Variants in UNC13A observed in about 807,000 individuals in gnomAD.
The protein encoded by UNC13A is unc-13 homolog A.
In UNC13A, 61 loss-of-function variants were observed where a neutral mutation model predicts 219.7. The ratio of observed to expected loss-of-function variants is 0.28; its 90% confidence interval spans 0.23 to 0.34. The LOEUF (loss-of-function observed/expected upper bound fraction) is 0.34. UNC13A is among the 10% of genes least tolerant of loss of function. UNC13A has a pLI of 1.00. For synonymous variants in UNC13A, 920 were observed against 884.6 expected, an observed-to-expected ratio of 1.04 and a Z score of -0.71; for missense variants, 1,476 against 2,270.3, an observed-to-expected ratio of 0.65 and a Z score of 7.11.
At chr19:17,630,108 C>G in intron 30 of UNC13A, 37 bp downstream of exon 30, 2 of 1,549,180 alleles carry the variant, frequency 1.3e-6, no homozygotes, top group Non-Finnish European at 1.7e-6. Flanking sequence ...AACCCTGACC[C>G]TGTCCCCTAG....
chr19:17,606,523 T>G (rs2076532753), intron 43 of UNC13A, among the ~76,000 whole-genome samples, 169 bp from the exon 44 acceptor site: 1 of 151,448 alleles, frequency 6.6e-6, no homozygotes, highest in Admixed American at 6.6e-5. Flanking sequence ...CCTACAACCC[T>G]GTGCTTGGCC....
intron 41 of UNC13A, among the ~76,000 whole-genome samples, chr19:17,614,792 C>T (rs1286234466): frequency 1.3e-5 from 2 of 152,116 alleles, no homozygotes; most frequent in African/African-American, 4.8e-5. Context: ...CCATTCCACC[C>T]CCACCCCCCG....
At chr19:17,682,623 A>G (rs2080039319) in intron 1 of UNC13A, among the ~76,000 whole-genome samples, 2 of 152,148 alleles carry the variant, frequency 1.3e-5, no homozygotes. Flanking sequence ...TAAGACCTAG[A>G]TGCAGCTCCT....
chr19:17,682,361 G>A (rs2080035570), intron 1 of UNC13A, among the ~76,000 whole-genome samples: 1 of 152,210 alleles, frequency 6.6e-6, no homozygotes, highest in South Asian at 2.1e-4. Context: ...GGCAAACGTA[G>A]ATGGTGGATG....
intron 43 of UNC13A, 100 bp downstream of exon 43, chr19:17,609,840 G>T: frequency 6.5e-7 from 1 of 1,537,736 alleles, no homozygotes; most frequent in Non-Finnish European, 8.9e-7. Context: ...CCCATTCCCG[G>T]GCCCAGATTC....
intron 35 of UNC13A, 99 bp from the exon 36 acceptor site, chr19:17,623,646 A>AG: frequency 1.7e-6 from 1 of 592,214 alleles, no homozygotes; most frequent in Non-Finnish European, 2.8e-6. Context: ...GGCAGCACGG[A>AG]GGGGCAAGAC....
At chr19:17,640,699 C>T (rs1447239277) in intron 21 of UNC13A, 38 bp from the exon 22 acceptor site, 2 of 1,523,280 alleles carry the variant, frequency 1.3e-6, no homozygotes, top group Middle Eastern at 1.9e-4. Flanking sequence ...GCCAGGGGTC[C>T]AGCCAGGATG....
At chr19:17,616,500 G>A (rs969265363) in intron 41 of UNC13A, 13 of 663,364 alleles carry the variant, frequency 2.0e-5, no homozygotes, top group African/African-American at 1.3e-4. Flanking sequence ...GGAGAGAGGT[G>A]GGAAGCATGG....
At chr19:17,632,987 C>A in intron 27 of UNC13A, 79 bp from the exon 28 acceptor site, 1 of 1,608,690 alleles carries the variant, frequency 6.2e-7, no homozygotes, top group South Asian at 1.1e-5. Context: ...CCTACTCTGG[C>A]CATCACTGAT....
chr19:17,606,429 C>A lies in UNC13A; in HGVS notation c.4812-75G>T. ...CCCGCCCACGGCCCCGTCCCCACCG[C>A]ATTTGCGGGCCACGCCCACACCGGG... On this transcript the variant is annotated intron_variant, in intron 43 of 43. Coordinates refer to ENST00000519716, the MANE Select transcript of UNC13A (RefSeq NM_001080421.3). 3 of 1,501,372 alleles carry A rather than the reference C, an allele frequency of 2.0e-6. No homozygotes were observed. In the South Asian group the frequency reaches 3.7e-5, roughly 19 times the overall value. The allele number at this position is 1,501,372 out of a possible 1,614,324, so 93.0% of individuals were successfully genotyped here. A position where few individuals can be genotyped will look rare whatever the true frequency, so the allele number is the denominator to read the frequency against.
At chr19:17,613,528 A>G (rs922310251) in intron 41 of UNC13A, among the ~76,000 whole-genome samples, 1 of 151,732 alleles carries the variant, frequency 6.6e-6, no homozygotes, top group Non-Finnish European at 1.5e-5. Context: ...ATAGGTTACT[A>G]TTACCTCTCC....
chr19:17,632,227 T>C (rs4530285), intron 28 of UNC13A, among the ~76,000 whole-genome samples: 25,333 of 152,222 alleles, frequency 0.17, 2,361 homozygotes, highest in African/African-American at 0.24. Context: ...TGTATTTTTG[T>C]AGAGCTGGGG....
At chr19:17,686,292 A>T (rs1481078210) in intron 1 of UNC13A, among the ~76,000 whole-genome samples, 2 of 42,608 alleles carry the variant, frequency 4.7e-5, no homozygotes, top group African/African-American at 2.5e-4. Flanking sequence ...TAAGGGTGAG[A>T]TCCCCGCCCC....
At chr19:17,650,289 G>A (rs1035333526) in intron 12 of UNC13A, among the ~76,000 whole-genome samples, 2 of 152,120 alleles carry the variant, frequency 1.3e-5, no homozygotes, top group South Asian at 2.1e-4. Flanking sequence ...CGAGGCGGGC[G>A]GATCACCTGA....
chr19:17,651,508 G>T (rs1042818967), intron 12 of UNC13A, among the ~76,000 whole-genome samples: 1 of 152,204 alleles, frequency 6.6e-6, no homozygotes, highest in Admixed American at 6.5e-5. Flanking sequence ...TTACAGGCGT[G>T]AGCCACCAAG....
In UNC13A at chr19:17,607,876, CT is replaced by C. The variant is rs58683080; in HGVS notation, c.4812-1523del. Among the ~76,000 whole-genome samples, 522 of 96,278 alleles carry C rather than the reference CT, an allele frequency of 5.4e-3. 1 individual carries two copies. The highest frequency in any genetic ancestry group is 0.019 in the African/African-American group (435 of 23,352). The allele number at this position is 96,278 out of a possible 152,430, so 63.2% of individuals were successfully genotyped here. A position where few individuals can be genotyped will look rare whatever the true frequency, so the allele number is the denominator to read the frequency against. ...CCATCCATCTACCCCCGTGAACAGA[CT>C]TTTTTTTTTTTTTTTTTTTTGAGGC... On this transcript the variant is annotated intron_variant, in intron 43 of 43. Coordinates refer to ENST00000519716, the MANE Select transcript of UNC13A (RefSeq NM_001080421.3).
At chr19:17,688,155 C>G (rs779700516) in intron 1 of UNC13A, 23 bp downstream of exon 1, 12 of 1,527,158 alleles carry the variant, frequency 7.9e-6, no homozygotes, top group Non-Finnish European at 8.8e-6. Context: ...ACGGGTCCCC[C>G]GACCCCCAGC....
intron 27 of UNC13A, 44 bp downstream of exon 27, chr19:17,633,064 A>G (rs1181754327): frequency 6.2e-7 from 1 of 1,611,194 alleles, no homozygotes; most frequent in Non-Finnish European, 8.5e-7. Flanking sequence ...AGGTACAGCC[A>G]CCTGGTGTGG....
rs1458250494 is a variant in UNC13A, at chr19:17,603,386, T to G, written c.*2668A>C. The G allele has an allele frequency of 6.6e-6, 1 of 152,270 alleles. No homozygotes were observed. Among genetic ancestry groups the G allele is most frequent in the Non-Finnish European group, 1.5e-5 (1 of 68,070 alleles). 9.4% of individuals were successfully genotyped at this position (152,270 alleles called of 1,614,324 possible). On this transcript the variant is annotated 3_prime_UTR_variant, in exon 44 of 44. Coordinates refer to ENST00000519716, the MANE Select transcript of UNC13A (RefSeq NM_001080421.3). ...GTCACAGATCACTTCCCCTTTGGGC[T>G]CTATGGGTTACAACCCTGAATCATC...
Sources: gnomAD v4.1 joint callset for allele counts (sites outside exome capture counted in the v4.1 genomes callset) on GRCh38, gnomAD v4.1.1 for gene constraint, MANE v1.5 for transcripts, NCBI Gene and HGNC (gene_info 2026-07-23, HGNC 2026-07-21) for gene names.